SYCP1: variants seen among roughly 807,000 people sequenced by gnomAD.
SYCP1 encodes the protein synaptonemal complex protein 1, also known as cancer/testis antigen 8.
Under a neutral mutation model 153.1 loss-of-function variants are expected in SYCP1, and 64 were observed. The observed-to-expected ratio is 0.42, with a 90% CI of 0.34 to 0.51. The LOEUF is 0.51. Ranked by LOEUF, SYCP1 falls within the 20% of genes least tolerant of loss-of-function variation. The pLI, the probability that SYCP1 is intolerant of heterozygous loss-of-function variation, is 0.06. For missense variants in SYCP1, 997 were observed against 1,049.0 expected, an observed-to-expected ratio of 0.95 and a Z score of 0.68; for synonymous variants, 384 against 341.8, an observed-to-expected ratio of 1.12 and a Z score of -1.36.
At chr1:114,899,876 C>G (rs1667307459) in intron 16 of SYCP1, among the ~76,000 whole-genome samples, 1 of 152,176 alleles carries the variant, frequency 6.6e-6, no homozygotes, top group Non-Finnish European at 1.5e-5. Context: ...TCGGAAAAGC[C>G]TGGCGTCAGG....
intron 2 of SYCP1, among the ~76,000 whole-genome samples, chr1:114,856,350 T>C (rs1017106113): frequency 8.5e-5 from 13 of 152,224 alleles, no homozygotes; most frequent in African/African-American, 3.1e-4. Flanking sequence ...TATTGAGTAA[T>C]TTATAGTTTA....
chr1:114,985,964 G>A (rs566485825), intron 30 of SYCP1, among the ~76,000 whole-genome samples: 5 of 150,160 alleles, frequency 3.3e-5, no homozygotes, highest in Non-Finnish European at 5.9e-5. Context: ...AAATAAGAAA[G>A]CAATACAACA....
At chr1:114,969,363 G>A (rs1672333890) in intron 27 of SYCP1, among the ~76,000 whole-genome samples, 1 of 152,168 alleles carries the variant, frequency 6.6e-6, no homozygotes, top group African/African-American at 2.4e-5. Flanking sequence ...TAGAGAGGTG[G>A]TCTGGCTACA....
chr1:114,886,430 T>G, intron 14 of SYCP1, 121 bp downstream of exon 14: 1 of 804,066 alleles, frequency 1.2e-6, no homozygotes, highest in Non-Finnish European at 1.8e-6. Flanking sequence ...ACAACTGTAG[T>G]CAGGTCTCAT....
intron 27 of SYCP1, among the ~76,000 whole-genome samples, chr1:114,952,664 T>C (rs1671185181): frequency 6.6e-6 from 1 of 152,084 alleles, no homozygotes; most frequent in African/African-American, 2.4e-5. Flanking sequence ...AACAGCAGCA[T>C]GGGGGTAACC....
At chr1:114,872,849 C>T (rs1665246302) in intron 8 of SYCP1, among the ~76,000 whole-genome samples, 2 of 152,042 alleles carry the variant, frequency 1.3e-5, no homozygotes. Context: ...GAGACAGCGT[C>T]TTTCTATGTT....
chr1:114,963,602 T>A (rs1324416740), intron 27 of SYCP1, among the ~76,000 whole-genome samples: 2 of 152,048 alleles, frequency 1.3e-5, no homozygotes, highest in Non-Finnish European at 2.9e-5. Flanking sequence ...CAGCTTCCAC[T>A]TACAAGTGAG....
chr1:114,883,764 C>G (rs775957894), intron 12 of SYCP1, among the ~76,000 whole-genome samples: 7 of 152,204 alleles, frequency 4.6e-5, no homozygotes, highest in Admixed American at 1.3e-4. Flanking sequence ...GCAATCTTGG[C>G]TCACTGCAAC....
Position 114,984,764 on chromosome 1 carries a change from C to T in SYCP1, c.2599C>T (p.Gln867Ter). 1 of 1,495,498 alleles carries T rather than the reference C, an allele frequency of 6.7e-7. No homozygotes were observed. Among genetic ancestry groups the T allele is most frequent in the Non-Finnish European group, 8.9e-7 (1 of 1,126,582 alleles). 92.6% of individuals were successfully genotyped at this position (1,495,498 alleles called of 1,614,324 possible). Residue 867 changes from glutamine to a stop codon, truncating the protein, a stop_gained, in exon 30 of 32, where the codon CAA becomes TAA. Transcript: ENST00000369522. LOFTEE classifies it high-confidence loss of function. ...VKTPTKPKLQ[Q>*]RENLNIPIEE... ...GACACCAACAAAACCAAAACTACAG[C>T]AAAGAGAAAACTTGAATATACCCAT...
intron 23 of SYCP1, among the ~76,000 whole-genome samples, chr1:114,932,673 G>A (rs1250871734): frequency 2.0e-5 from 3 of 152,118 alleles, no homozygotes; most frequent in African/African-American, 7.2e-5. Context: ...CGTGACTGAT[G>A]GTACCAGGAA....
At chr1:114,875,748 G>A (rs760840207) in intron 9 of SYCP1, among the ~76,000 whole-genome samples, 9 of 152,172 alleles carry the variant, frequency 5.9e-5, no homozygotes, top group African/African-American at 7.2e-5. Context: ...TGGAGAAGAC[G>A]TAAATAAATA....
chr1:114,868,410 G>T (rs1314070747), intron 8 of SYCP1, among the ~76,000 whole-genome samples: 2 of 152,108 alleles, frequency 1.3e-5, no homozygotes, highest in Non-Finnish European at 2.9e-5. Context: ...TGAGTAGCTG[G>T]AATTGGGATT....
chr1:114,878,991 C>T (rs2101492271), intron 12 of SYCP1, among the ~76,000 whole-genome samples: 1 of 152,198 alleles, frequency 6.6e-6, no homozygotes, highest in Non-Finnish European at 1.5e-5. Flanking sequence ...GTAGACAATA[C>T]AGGTGGAATA....
chr1:114,955,806 G>A (rs903124332), intron 27 of SYCP1, among the ~76,000 whole-genome samples: 2 of 152,154 alleles, frequency 1.3e-5, no homozygotes, highest in African/African-American at 4.8e-5. Flanking sequence ...GTAGGTTACA[G>A]GTGGCTGACC....
intron 8 of SYCP1, among the ~76,000 whole-genome samples, chr1:114,873,791 T>C (rs1398449308): frequency 6.6e-6 from 1 of 152,142 alleles, no homozygotes; most frequent in African/African-American, 2.4e-5. Flanking sequence ...AGAGTCTCAC[T>C]CTGTCGCCCA....
chr1:114,971,892 T>C (rs1322017886), intron 27 of SYCP1, among the ~76,000 whole-genome samples: 1 of 152,118 alleles, frequency 6.6e-6, no homozygotes, highest in Non-Finnish European at 1.5e-5. Context: ...TTGATGTGTC[T>C]TTGTGTCTGG....
intron 23 of SYCP1, among the ~76,000 whole-genome samples, chr1:114,935,124 A>G (rs1267761002): frequency 6.6e-6 from 1 of 152,158 alleles, no homozygotes; most frequent in African/African-American, 2.4e-5. Context: ...GCACCACACA[A>G]CACCTATTCC....
chr1:114,992,643 G>T (rs1263696530), intron 30 of SYCP1, among the ~76,000 whole-genome samples: 1 of 151,384 alleles, frequency 6.6e-6, no homozygotes, highest in Non-Finnish European at 1.5e-5. Context: ...ACTCAAAATG[G>T]ATGAAAGACC....
chr1:114,880,073 T>C (rs1165687596), intron 12 of SYCP1, among the ~76,000 whole-genome samples: 1 of 152,198 alleles, frequency 6.6e-6, no homozygotes, highest in East Asian at 1.9e-4. Context: ...TCTCATCTGT[T>C]GGTTTATTTC....
Sources: allele counts gnomAD v4.1 joint callset (sites outside exome capture counted in the v4.1 genomes callset), GRCh38; gene constraint gnomAD v4.1.1; transcripts MANE v1.5; gene names NCBI Gene and HGNC (gene_info 2026-07-23, HGNC 2026-07-21).